CPM: variants seen among roughly 807,000 people sequenced by gnomAD.
CPM encodes the protein renal carboxypeptidase.
In CPM, 35 loss-of-function variants were observed where a neutral mutation model predicts 46.4. The observed-to-expected ratio is 0.75, with a 90% CI of 0.58 to 1.00. CPM has a LOEUF of 1.00. Ranked by LOEUF, CPM falls within the 50% of genes least tolerant of loss-of-function variation. The pLI is 0.00. For missense variants in CPM, 422 were observed against 530.4 expected (o/e 0.80, Z 2.01); for synonymous variants, 195 against 195.3 (o/e 1.00, Z 0.01).
intron 1 of CPM, among the ~76,000 whole-genome samples, chr12:68,947,319 G>A (rs1186739927): frequency 2.0e-5 from 3 of 152,106 alleles, no homozygotes; most frequent in African/African-American, 7.2e-5. Flanking sequence ...TTTTGAGGCC[G>A]GGTGCAATGG....
chr12:68,884,485 T>C (rs1886347062), intron 3 of CPM, among the ~76,000 whole-genome samples: 1 of 152,160 alleles, frequency 6.6e-6, no homozygotes, highest in South Asian at 2.1e-4. Context: ...ATCCAGTTCC[T>C]ATAGAGTTTG....
downstream of CPM, chr12:68,846,459 T>G (rs915210538): frequency 6.6e-6 from 1 of 152,242 alleles, no homozygotes; most frequent in Non-Finnish European, 1.5e-5. Context: ...GGTTAAATTT[T>G]AGCGCTTTTG....
intron 2 of CPM, among the ~76,000 whole-genome samples, chr12:68,902,871 A>G (rs1592678267): frequency 6.6e-6 from 1 of 152,292 alleles, no homozygotes; most frequent in East Asian, 1.9e-4. Context: ...TTTTTAGAAT[A>G]AAGAACTTGA....
At chr12:68,937,713 G>A (rs959890510), upstream of CPM, among the ~76,000 whole-genome samples, 1 of 152,088 alleles carries the variant, frequency 6.6e-6, no homozygotes, top group Non-Finnish European at 1.5e-5. Flanking sequence ...GTGTTTCTAA[G>A]GTTACCAACA....
intron 2 of CPM, among the ~76,000 whole-genome samples, chr12:68,907,018 C>T (rs941589447): frequency 3.3e-5 from 5 of 152,320 alleles, no homozygotes; most frequent in South Asian, 2.1e-4. Flanking sequence ...CCTGAAGGCA[C>T]GCTTCTCCAT....
chr12:68,871,753 T>C, intron 4 of CPM, 31 bp downstream of exon 4: 1 of 1,612,462 alleles, frequency 6.2e-7, no homozygotes, highest in Non-Finnish European at 8.5e-7. Context: ...TTGTGTTGTT[T>C]TCAAGTAAAG....
chr12:68,894,438 T>C (rs939091151), intron 2 of CPM, among the ~76,000 whole-genome samples: 1 of 152,174 alleles, frequency 6.6e-6, no homozygotes, highest in Non-Finnish European at 1.5e-5. Flanking sequence ...GGGTCCTCCA[T>C]CACCTGCCCT....
intron 2 of CPM, among the ~76,000 whole-genome samples, chr12:68,931,763 A>AAG (rs1888514928): frequency 6.8e-5 from 9 of 132,540 alleles, no homozygotes; most frequent in African/African-American, 2.1e-4. Flanking sequence ...AAAAAAAAAA[A>AAG]AAAGAAAGAA....
chr12:68,913,929 G>T, intron 2 of CPM: 1 of 718,966 alleles, frequency 1.4e-6, no homozygotes, highest in South Asian at 1.4e-5. Flanking sequence ...ACAGTCACAT[G>T]ACCTGTGCTA....
intron 4 of CPM, among the ~76,000 whole-genome samples, chr12:68,871,248 C>T (rs778082041): frequency 2.0e-5 from 3 of 152,166 alleles, no homozygotes; most frequent in Non-Finnish European, 4.4e-5. Context: ...CCAGGCACTG[C>T]GGATCTAACA....
At chr12:68,925,965 C>A (rs899613938) in intron 2 of CPM, among the ~76,000 whole-genome samples, 1 of 152,130 alleles carries the variant, frequency 6.6e-6, no homozygotes, top group Non-Finnish European at 1.5e-5. Flanking sequence ...GGTTAGAGTG[C>A]AGTGGCACAA....
intron 2 of CPM, among the ~76,000 whole-genome samples, chr12:68,920,683 T>C (rs540570477): frequency 2.7e-5 from 4 of 147,238 alleles, no homozygotes; most frequent in African/African-American, 1.1e-4. Context: ...TTTTTTTTCT[T>C]TTTCTTTTTC....
At chr12:68,962,124 T>C (rs562338528) in intron 1 of CPM, among the ~76,000 whole-genome samples, 88 of 147,162 alleles carry the variant, frequency 6.0e-4, no homozygotes, top group South Asian at 1.1e-3. Flanking sequence ...GGCGTGAACC[T>C]GGGAGGCGGA....
chr12:68,916,562 T>C (rs543534605), intron 2 of CPM, among the ~76,000 whole-genome samples: 2 of 152,320 alleles, frequency 1.3e-5, no homozygotes, highest in East Asian at 3.9e-4. Context: ...CACTACTTTT[T>C]GTCCCAGAAA....
In CPM at chr12:68,897,883, G is replaced by A. The variant is rs11834582; in HGVS notation, c.161-11994C>T. On this transcript the variant is annotated intron_variant, in intron 2 of 8. Transcript: ENST00000551568. ...CTTGCTGCCCTATTGGTCTCACTCC[G>A]TCAGCCAGGCAGGAATGCAGTGGTG... Among the ~76,000 whole-genome samples the A allele has an allele frequency of 7.0e-3, 1,070 of 152,078 alleles. 21 individuals are homozygous for A. Among genetic ancestry groups the A allele is most frequent in the African/African-American group, 0.023 (968 of 41,476 alleles).
At chr12:68,867,763 C>G (rs1885517953) in intron 6 of CPM, among the ~76,000 whole-genome samples, 1 of 152,340 alleles carries the variant, frequency 6.6e-6, no homozygotes, top group East Asian at 1.9e-4. Flanking sequence ...CGGCCCGGCC[C>G]CCTGTGGAGC....
intron 2 of CPM, among the ~76,000 whole-genome samples, chr12:68,908,232 T>G (rs1338427872): frequency 6.6e-6 from 1 of 152,218 alleles, no homozygotes; most frequent in Non-Finnish European, 1.5e-5. Context: ...CTCTGATTCA[T>G]TCTGGCTGGT....
intron 5 of CPM, among the ~76,000 whole-genome samples, chr12:68,869,831 C>A (rs1565771579): frequency 1.3e-5 from 2 of 152,000 alleles, no homozygotes; most frequent in Non-Finnish European, 2.9e-5. Flanking sequence ...GGGTCCTCAT[C>A]CCACAGAGTT....
chr12:68,962,377 A>C (rs898528785), intron 1 of CPM, among the ~76,000 whole-genome samples: 3 of 152,098 alleles, frequency 2.0e-5, no homozygotes, highest in Non-Finnish European at 4.4e-5. Flanking sequence ...CTGAGAAGCA[A>C]AAGGTTTTCT....
Sources: gnomAD v4.1 joint callset for allele counts (sites outside exome capture counted in the v4.1 genomes callset) on GRCh38, gnomAD v4.1.1 for gene constraint, MANE v1.5 for transcripts, NCBI Gene and HGNC (gene_info 2026-07-23, HGNC 2026-07-21) for gene names.